The following DENND1B variants were observed in gnomAD, a reference collection of about 807,000 sequenced individuals.
The protein encoded by DENND1B is DENN domain containing 1B, also known as DENN domain-containing protein 1B.
Under a neutral mutation model 90.1 loss-of-function variants are expected in DENND1B, and 59 were observed. The observed-to-expected ratio is 0.65, with a 90% CI of 0.53 to 0.81. DENND1B has a LOEUF of 0.81. DENND1B is among the 40% of genes least tolerant of loss of function. The probability of loss-of-function intolerance (pLI) is 0.00; values close to 1 mark genes in which losing one functional copy is unlikely to be tolerated. For missense variants in DENND1B, 862 were observed against 912.6 expected (o/e 0.94, Z 0.71); for synonymous variants, 337 against 324.6 (o/e 1.04, Z -0.41).
intron 15 of DENND1B, among the ~76,000 whole-genome samples, chr1:197,561,243 G>A (rs78674765): frequency 0.019 from 2,879 of 151,818 alleles, 89 homozygotes; most frequent in African/African-American, 0.064. Context: ...GTCTCACCAC[G>A]TCAGCAAAAT....
chr1:197,666,996 T>C (rs2125975088), intron 5 of DENND1B, among the ~76,000 whole-genome samples: 1 of 152,018 alleles, frequency 6.6e-6, no homozygotes, highest in Admixed American at 6.5e-5. Flanking sequence ...TAGCTGGGCG[T>C]GGTGGCGCAG....
intron 15 of DENND1B, among the ~76,000 whole-genome samples, chr1:197,580,564 T>C (rs1674144365): frequency 6.6e-6 from 1 of 152,120 alleles, no homozygotes; most frequent in African/African-American, 2.4e-5. Context: ...CACTAACATT[T>C]AGGGTCCTTT....
chr1:197,574,352 G>C (rs1341555192), intron 15 of DENND1B, among the ~76,000 whole-genome samples: 1 of 152,106 alleles, frequency 6.6e-6, no homozygotes, highest in Non-Finnish European at 1.5e-5. Flanking sequence ...TTGCTACAAA[G>C]AGAATAAAAT....
chr1:197,771,537 G>A (rs1656615654), intron 2 of DENND1B, among the ~76,000 whole-genome samples: 4 of 152,182 alleles, frequency 2.6e-5, no homozygotes, highest in Admixed American at 2.6e-4. Flanking sequence ...AGTTCAGATA[G>A]ACCAGGAGTA....
chr1:197,780,809 C>G, the DENND1B span, among the ~76,000 whole-genome samples: 1 of 152,080 alleles, frequency 6.6e-6, no homozygotes, highest in African/African-American at 2.4e-5. Context: ...GGACTAATTG[C>G]AACTTTTTAA....
chr1:197,628,454 G>T (rs1234250832), intron 10 of DENND1B, among the ~76,000 whole-genome samples: 2 of 152,128 alleles, frequency 1.3e-5, no homozygotes, highest in Admixed American at 1.3e-4. Context: ...AAATGGTGCT[G>T]GGAAAACTGG....
At chr1:197,689,542 C>G (rs1222218558) in intron 3 of DENND1B, 1 of 153,126 alleles carries the variant, frequency 6.5e-6, no homozygotes, top group Non-Finnish European at 1.5e-5. Context: ...TGAGCAGACT[C>G]ATGAGCATAT....
At chr1:197,643,339 G>A (rs1680444243) in intron 9 of DENND1B, among the ~76,000 whole-genome samples, 1 of 151,906 alleles carries the variant, frequency 6.6e-6, no homozygotes, top group Non-Finnish European at 1.5e-5. Context: ...ATTTTTAGTA[G>A]AGAGATGGGG....
chr1:197,596,014 T>C (rs1310869302), intron 13 of DENND1B, among the ~76,000 whole-genome samples: 1 of 152,012 alleles, frequency 6.6e-6, no homozygotes, highest in Non-Finnish European at 1.5e-5. Context: ...ATGTAGCCAA[T>C]AAGTGGCAAA....
chr1:197,634,984 A>C (rs955635359), intron 10 of DENND1B, among the ~76,000 whole-genome samples: 1 of 151,930 alleles, frequency 6.6e-6, no homozygotes, highest in African/African-American at 2.4e-5. Flanking sequence ...ACAAGAGTGC[A>C]ACTCTGCGTG....
chr1:197,705,843 A>G (rs1266531665), intron 3 of DENND1B, among the ~76,000 whole-genome samples: 1 of 152,000 alleles, frequency 6.6e-6, no homozygotes, highest in Non-Finnish European at 1.5e-5. Flanking sequence ...TCTTCACTGT[A>G]GGGAGTTCTT....
intron 15 of DENND1B, among the ~76,000 whole-genome samples, chr1:197,578,138 A>G (rs1673857161): frequency 6.6e-6 from 1 of 152,268 alleles, no homozygotes; most frequent in South Asian, 2.1e-4. Context: ...TAGACAAGAG[A>G]AATAGGTTTT....
At chr1:197,633,321 A>G (rs1679499616) in intron 10 of DENND1B, among the ~76,000 whole-genome samples, 1 of 152,214 alleles carries the variant, frequency 6.6e-6, no homozygotes, top group Non-Finnish European at 1.5e-5. Flanking sequence ...GGTGGACTGT[A>G]CCAATTATCA....
chr1:197,676,822 T>C (rs1015455245), intron 3 of DENND1B, among the ~76,000 whole-genome samples: 4 of 152,118 alleles, frequency 2.6e-5, no homozygotes, highest in Non-Finnish European at 5.9e-5. Context: ...TTGGGGGGTT[T>C]TGGGTTCCAT....
rs138015350 is a variant in DENND1B, at chr1:197,514,972, A to T, written c.1516-2019T>A. Among the ~76,000 whole-genome samples, 785 of 151,780 alleles carry T rather than the reference A, an allele frequency of 5.2e-3. 5 individuals carry two copies. The highest frequency in any genetic ancestry group is 8.7e-3 in the Non-Finnish European group (592 of 67,742). ...GTGCTATGGGTGCTTATGGCTGCAA[A>T]CCATCCTTTTGAATGAACAACAGTA... On this transcript the variant is annotated intron_variant, in intron 20 of 22. Coordinates refer to ENST00000620048, the MANE Select transcript of DENND1B (RefSeq NM_001195215.2).
At chr1:197,738,722 A>T (rs1662943347) in intron 2 of DENND1B, among the ~76,000 whole-genome samples, 1 of 152,246 alleles carries the variant, frequency 6.6e-6, no homozygotes, top group African/African-American at 2.4e-5. Flanking sequence ...TCCAGCCAAG[A>T]GAAAGTACAA....
intron 3 of DENND1B, among the ~76,000 whole-genome samples, chr1:197,701,416 C>T (rs1335182323): frequency 1.3e-5 from 2 of 152,160 alleles, no homozygotes; most frequent in Non-Finnish European, 2.9e-5. Context: ...ACAACACACA[C>T]CAGGGCCCAT....
intron 7 of DENND1B, among the ~76,000 whole-genome samples, chr1:197,651,319 A>T (rs1013853713): frequency 1.3e-5 from 2 of 151,976 alleles, no homozygotes; most frequent in African/African-American, 4.8e-5. Context: ...ATTTACAAAA[A>T]CTCCCAAAAC....
intron 15 of DENND1B, among the ~76,000 whole-genome samples, chr1:197,564,194 T>C (rs1358633495): frequency 6.6e-6 from 1 of 151,874 alleles, no homozygotes; most frequent in East Asian, 1.9e-4. Context: ...ACTCCAATTT[T>C]GAAAGAAGTT....
Sources: gnomAD v4.1 joint callset for allele counts (sites outside exome capture counted in the v4.1 genomes callset) on GRCh38, gnomAD v4.1.1 for gene constraint, MANE v1.5 for transcripts, NCBI Gene and HGNC (gene_info 2026-07-23, HGNC 2026-07-21) for gene names.